Variants in EEA1 observed in about 807,000 individuals in gnomAD.
The protein encoded by EEA1 is early endosome antigen 1.
A neutral mutation model predicts 209.2 loss-of-function variants in EEA1; 111 were observed. The ratio of observed to expected loss-of-function variants is 0.53; its 90% confidence interval spans 0.45 to 0.62. The LOEUF (loss-of-function observed/expected upper bound fraction) is 0.62. Ranked by LOEUF, EEA1 falls within the 20% of genes least tolerant of loss-of-function variation. The pLI is 0.00. For missense variants in EEA1, 1,343 were observed against 1,530.8 expected (o/e 0.88, Z 2.05); for synonymous variants, 536 against 540.6 (o/e 0.99, Z 0.12).
chr12:92,921,086 AAGTC>A (rs1214229179), intron 1 of EEA1, among the ~76,000 whole-genome samples: 1 of 152,202 alleles, frequency 6.6e-6, no homozygotes, highest in East Asian at 1.9e-4. Flanking sequence ...GATCATTAAA[AAGTC>A]AGGAAACGAG....
chr12:92,810,887 G>T (rs1875462423), intron 17 of EEA1, among the ~76,000 whole-genome samples: 2 of 152,036 alleles, frequency 1.3e-5, no homozygotes, highest in African/African-American at 4.8e-5. Context: ...AAAAGGAAAA[G>T]TCTACCATAT....
intron 14 of EEA1, among the ~76,000 whole-genome samples, chr12:92,818,227 T>C (rs1875884354): frequency 6.6e-6 from 1 of 152,122 alleles, no homozygotes; most frequent in Non-Finnish European, 1.5e-5. Flanking sequence ...ACATCCTCGG[T>C]TCAATAAGAC....
chr12:92,792,301 C>T (rs1874440655), intron 21 of EEA1, among the ~76,000 whole-genome samples: 1 of 150,970 alleles, frequency 6.6e-6, no homozygotes, highest in African/African-American at 2.4e-5. Context: ...GATAGAGACA[C>T]AAAAAAAACC....
At chr12:92,898,668 A>AC (rs1374922634) in intron 1 of EEA1, among the ~76,000 whole-genome samples, 2 of 151,482 alleles carry the variant, frequency 1.3e-5, no homozygotes, top group Non-Finnish European at 2.9e-5. Context: ...CATCTCAAAA[A>AC]AAAAAAAGAA....
chr12:92,800,148 G>A (rs1874842422), intron 20 of EEA1, among the ~76,000 whole-genome samples: 2 of 152,074 alleles, frequency 1.3e-5, no homozygotes, highest in Admixed American at 1.3e-4. Flanking sequence ...CTTGAACTTA[G>A]GAGGTGGAGG....
At chr12:92,886,998 C>CAACA (rs1555207007) in intron 2 of EEA1, among the ~76,000 whole-genome samples, 520 of 150,004 alleles carry the variant, frequency 3.5e-3, no homozygotes, top group Admixed American at 4.0e-3. Flanking sequence ...GACTCCATCT[C>CAACA]AACAAACAAA....
intron 11 of EEA1, among the ~76,000 whole-genome samples, chr12:92,832,064 G>C (rs552084219): frequency 6.7e-6 from 1 of 149,578 alleles, no homozygotes; most frequent in Non-Finnish European, 1.5e-5. Context: ...TCCGCAGTCC[G>C]GCCTGGGCGA....
chr12:92,803,564 A>G (rs1875041722), intron 18 of EEA1, among the ~76,000 whole-genome samples: 2 of 152,132 alleles, frequency 1.3e-5, no homozygotes, highest in African/African-American at 4.8e-5. Context: ...TTTGTAACCA[A>G]TAAAAATAAG....
chr12:92,799,275 A>G (rs1874793994), intron 20 of EEA1, among the ~76,000 whole-genome samples, 189 bp from the exon 21 acceptor site: 1 of 152,238 alleles, frequency 6.6e-6, no homozygotes, highest in Non-Finnish European at 1.5e-5. Context: ...GATAATTAGT[A>G]AAGATACCTG....
chr12:92,893,446 C>T (rs1284444247), intron 1 of EEA1, among the ~76,000 whole-genome samples: 1 of 152,164 alleles, frequency 6.6e-6, no homozygotes, highest in African/African-American at 2.4e-5. Context: ...CACTGAAATG[C>T]CCCTCAATCA....
chr12:92,884,567 A>G (rs1307071224), intron 2 of EEA1: 7 of 1,483,822 alleles, frequency 4.7e-6, no homozygotes, highest in South Asian at 1.1e-5. Flanking sequence ...TTTTGGACCC[A>G]TGAAGGGAGG....
At chr12:92,891,417 CA>C (rs1879649395) in intron 2 of EEA1, among the ~76,000 whole-genome samples, 3 of 152,096 alleles carry the variant, frequency 2.0e-5, no homozygotes, top group Admixed American at 1.3e-4. Context: ...GACAAATTGG[CA>C]ATATTATTTT....
chr12:92,859,480 T>C, intron 3 of EEA1, among the ~76,000 whole-genome samples: 1 of 152,352 alleles, frequency 6.6e-6, no homozygotes, highest in East Asian at 1.9e-4. Context: ...TGTTTATCAA[T>C]AATGAATTTA....
intron 2 of EEA1, among the ~76,000 whole-genome samples, chr12:92,871,352 C>A (rs1278052570): frequency 6.6e-6 from 1 of 152,096 alleles, no homozygotes; most frequent in African/African-American, 2.4e-5. Flanking sequence ...CAAGGAAAAA[C>A]CAGCTATTTT....
chr12:92,850,689 C>CAAAAAAA (rs11323932), intron 9 of EEA1, among the ~76,000 whole-genome samples: 14 of 46,916 alleles, frequency 3.0e-4, no homozygotes, highest in African/African-American at 3.5e-4. Flanking sequence ...GACTTTGTCT[C>CAAAAAAA]AAAAAAAAAA....
chr12:92,888,720 G>C (rs1879521847), intron 2 of EEA1, among the ~76,000 whole-genome samples: 1 of 151,798 alleles, frequency 6.6e-6, no homozygotes, highest in African/African-American at 2.4e-5. Context: ...AATTTGTGAA[G>C]ATAAAAGAAA....
At chr12:92,798,781 G>T in intron 21 of EEA1, 111 bp downstream of exon 21, 1 of 725,098 alleles carries the variant, frequency 1.4e-6, no homozygotes, top group Non-Finnish European at 2.1e-6. Context: ...AAAAAAATTA[G>T]CTTATGTAAA....
Position 92,850,337 on chromosome 12 carries a change from C to G in EEA1, c.798+774G>C, listed in dbSNP as rs116695860. 3.2e-3 allele frequency among the ~76,000 whole-genome samples: 484 copies of G among 152,288 alleles called. 2 individuals carry two copies. The highest frequency in any genetic ancestry group is 0.011 in the African/African-American group (462 of 41,560). The stretch of plus-strand genomic sequence containing the variant: ...GGTTGGCATAAAGGGAAGTTCTGGA[C>G]TGAATTTAGACTAGTTCAAGACTTC... On this transcript the variant is annotated intron_variant, in intron 9 of 28. Coordinates refer to ENST00000322349, the MANE Select transcript of EEA1 (RefSeq NM_003566.4).
intron 7 of EEA1, among the ~76,000 whole-genome samples, 155 bp downstream of exon 7, chr12:92,852,740 AAACAAAATAATTTACAT>A (rs1463875894): frequency 6.6e-6 from 1 of 152,188 alleles, no homozygotes; most frequent in African/African-American, 2.4e-5. Flanking sequence ...GCTAGAGGAC[AAACAAAATAATTTACAT>A]AGCAACTCTG....
Sources: allele counts gnomAD v4.1 joint callset (sites outside exome capture counted in the v4.1 genomes callset), GRCh38; gene constraint gnomAD v4.1.1; transcripts MANE v1.5; gene names NCBI Gene and HGNC (gene_info 2026-07-23, HGNC 2026-07-21).